Variants in TBC1D8B observed in about 807,000 individuals in gnomAD.
TBC1D8B encodes the protein TBC1 domain family member 8B, also known as RP11-321G1.1.
A neutral mutation model predicts 82.9 loss-of-function variants in TBC1D8B; 75 were observed. The observed-to-expected ratio is 0.90, with a 90% confidence interval of 0.75 to 1.10. The LOEUF (loss-of-function observed/expected upper bound fraction) is 1.10, where lower values mean the gene tolerates loss of function less well. Among genes scored for constraint, TBC1D8B ranks in the 50% least tolerant of loss-of-function variants. The pLI, the probability that TBC1D8B is intolerant of heterozygous loss-of-function variation, is 0.00. For synonymous variants in TBC1D8B, 276 were observed against 276.8 expected, an observed-to-expected ratio of 1.00 and a Z score of 0.03; for missense variants, 794 against 796.9, an observed-to-expected ratio of 1.00 and a Z score of 0.04.
chrX:106,841,457 G>C (rs933981101), intron 10 of TBC1D8B, among the ~76,000 whole-genome samples: 2 of 111,283 alleles, frequency 1.8e-5, no homozygotes, highest in Non-Finnish European at 3.8e-5. Flanking sequence ...ATAGGACCAT[G>C]TTTGTTTAGT....
Position 106,827,340 on chromosome X carries a change from A to G in TBC1D8B, c.1203+3A>G. The G allele has an allele frequency of 8.3e-7, 1 of 1,209,146 alleles. No homozygotes were observed. On this transcript the variant is annotated splice_donor_region_variant and intron_variant, in intron 7 of 20. Transcript: ENST00000357242. ...AATATCATGATATTAGCACAGAGGT[A>G]ATTAATTATACAGCAATCAAATCAT...
intron 1 of TBC1D8B, among the ~76,000 whole-genome samples, chrX:106,811,426 T>G (rs1931369055): frequency 9.0e-6 from 1 of 111,117 alleles, no homozygotes; most frequent in African/African-American, 3.3e-5. Flanking sequence ...CACGGAAGGC[T>G]GGGGTGGGTG....
At chrX:106,829,011 T>G (rs1390587816) in intron 7 of TBC1D8B, 1 of 107,810 alleles carries the variant, frequency 9.3e-6, no homozygotes, top group Non-Finnish European at 1.9e-5. Flanking sequence ...TTGTCCCTGT[T>G]TGCAGACGAC....
intron 14 of TBC1D8B, among the ~76,000 whole-genome samples, chrX:106,858,124 G>A (rs1449620925): frequency 3.6e-5 from 4 of 111,875 alleles, no homozygotes; most frequent in Admixed American, 9.5e-5. Context: ...TGTGTGAGAC[G>A]GTATCTCATT....
At chrX:106,842,462 G>T (rs181541029) in intron 10 of TBC1D8B, among the ~76,000 whole-genome samples, 8 of 110,859 alleles carry the variant, frequency 7.2e-5, no homozygotes, top group African/African-American at 2.6e-4. Context: ...GTTCACATTG[G>T]AATAAAAAAG....
rs1932265199 is a variant in TBC1D8B, at chrX:106,840,054, G to A, written c.1360G>A (p.Glu454Lys). Residue 454 changes from glutamate (E) to lysine (K), a missense_variant, in exon 9 of 21, where the codon GAA becomes AAA. Physicochemically the swap from Glu to Lys is moderately conservative, Grantham distance 56. Transcript: ENST00000357242. ...GATTTTTCTGTCATTACAGTTGAAA[G>A]AAAAAATGAAGGAACAGTCATGGAA... Reference protein sequence around the residue: ...LETLNSKMLKEKMKEQSWKIL... With the variant: ...LETLNSKMLKKKMKEQSWKIL... 2 of 1,189,287 alleles carry A rather than the reference G, an allele frequency of 1.7e-6. No individual in the cohort carries two copies. Among genetic ancestry groups the A allele is most frequent in the Non-Finnish European group, 2.3e-6 (2 of 887,267 alleles).
intron 13 of TBC1D8B, 42 bp downstream of exon 13, chrX:106,853,692 A>T (rs767004050): frequency 8.9e-7 from 1 of 1,119,962 alleles, no homozygotes; most frequent in East Asian, 3.0e-5. Flanking sequence ...TAGCATATTT[A>T]AAATGATTGA....
At chrX:106,811,759 T>A (rs1468433180) in intron 1 of TBC1D8B, among the ~76,000 whole-genome samples, 1 of 111,860 alleles carries the variant, frequency 8.9e-6, no homozygotes, top group African/African-American at 3.2e-5. Flanking sequence ...AGGGTTACTC[T>A]TTTTGTGCAT....
chrX:106,865,544 T>C lies in TBC1D8B; in HGVS notation c.2353-15T>C. The C allele has an allele frequency of 8.5e-7, 1 of 1,182,275 alleles. No homozygotes were observed. Among genetic ancestry groups the C allele is most frequent in the Non-Finnish European group, 1.1e-6 (1 of 879,773 alleles). ...TTAAAATCTGTGTACTAAATTGCTT[T>C]TAATCTTTTTAAAGTTGCGTGTTGT... On this transcript the variant is annotated splice_polypyrimidine_tract_variant and intron_variant, in intron 14 of 20. Transcript: ENST00000357242.
intron 1 of TBC1D8B, among the ~76,000 whole-genome samples, chrX:106,807,202 G>A (rs1479652350): frequency 6.2e-5 from 6 of 96,610 alleles, no homozygotes; most frequent in African/African-American, 1.1e-4. Flanking sequence ...AGATCTACCC[G>A]CCCCCCCCCA....
chrX:106,852,882 C>A (rs766526478), intron 12 of TBC1D8B, among the ~76,000 whole-genome samples: 1 of 111,210 alleles, frequency 9.0e-6, no homozygotes, highest in Non-Finnish European at 1.9e-5. Flanking sequence ...TGTTCTTTTG[C>A]CTTAGGATTG....
chrX:106,862,641 G>A (rs1932783383), intron 14 of TBC1D8B, among the ~76,000 whole-genome samples: 1 of 110,369 alleles, frequency 9.1e-6, no homozygotes, highest in Non-Finnish European at 1.9e-5. Flanking sequence ...TGGGGAACTA[G>A]TGCAGTTGTT....
chrX:106,809,579 G>T (rs1274137890), intron 1 of TBC1D8B, among the ~76,000 whole-genome samples: 2 of 111,058 alleles, frequency 1.8e-5, no homozygotes, highest in East Asian at 5.6e-4. Context: ...GTATACAGTG[G>T]TGAATAAGAC....
At chrX:106,853,757 A>C (rs34044365) in intron 13 of TBC1D8B, 107 bp downstream of exon 13, 14 of 829,292 alleles carry the variant, frequency 1.7e-5, no homozygotes, top group Non-Finnish European at 2.4e-5. Flanking sequence ...GCAAGTAGAC[A>C]TACAACTTAA....
At chrX:106,815,167 T>G (rs1168537139) in intron 1 of TBC1D8B, 1 of 112,375 alleles carries the variant, frequency 8.9e-6, no homozygotes, top group Non-Finnish European at 1.9e-5. Context: ...TTCTAGGGTT[T>G]TTATGGTTTT....
In TBC1D8B at chrX:106,875,361, C is replaced by G. The variant is rs1229046237; in HGVS notation, c.*1396C>G. On this transcript the variant is annotated 3_prime_UTR_variant, in exon 21 of 21. Coordinates refer to ENST00000357242, the MANE Select transcript of TBC1D8B (RefSeq NM_017752.3). ...GGTACAGTCAGCCTTTGGGAAGAAT[C>G]CACTGTGAACAAAGCTTAACACATG... 8.9e-6 allele frequency: 1 copy of G among 111,817 alleles called. No individual in the cohort carries two copies. Among genetic ancestry groups the G allele is most frequent in the Non-Finnish European group, 1.9e-5 (1 of 53,175 alleles). The allele number at this position is 111,817 out of a possible 1,213,427, so 9.2% of individuals were successfully genotyped here. A position where few individuals can be genotyped will look rare whatever the true frequency, so the allele number is the denominator to read the frequency against.
chrX:106,825,013 A>AT (rs1365976986), intron 5 of TBC1D8B, among the ~76,000 whole-genome samples: 1 of 111,615 alleles, frequency 9.0e-6, no homozygotes, highest in African/African-American at 3.2e-5. Context: ...GACATCACAC[A>AT]TTGTTCTACA....
intron 7 of TBC1D8B, among the ~76,000 whole-genome samples, chrX:106,831,086 C>T (rs1019364955): frequency 1.8e-5 from 2 of 110,488 alleles, no homozygotes; most frequent in Admixed American, 9.6e-5. Context: ...CCAGGAACCC[C>T]AAGTTTTAAT....
At chrX:106,832,122 A>G (rs1371453262) in intron 7 of TBC1D8B, among the ~76,000 whole-genome samples, 1 of 111,278 alleles carries the variant, frequency 9.0e-6, no homozygotes, top group Non-Finnish European at 1.9e-5. Context: ...TACAAACAGC[A>G]AGACTTTTTA....
Sources: allele counts gnomAD v4.1 joint callset (sites outside exome capture counted in the v4.1 genomes callset), GRCh38; gene constraint gnomAD v4.1.1; transcripts MANE v1.5; gene names NCBI Gene and HGNC (gene_info 2026-07-23, HGNC 2026-07-21).